MACROD2: variants seen among roughly 807,000 people sequenced by gnomAD.
MACROD2 encodes the protein ADP-ribose glycohydrolase MACROD2.
In MACROD2, 36 loss-of-function variants were observed where a neutral mutation model predicts 70.4. That is an observed-to-expected ratio of 0.51 (90% CI 0.39 to 0.68). The LOEUF is 0.68. MACROD2 is among the 30% of genes least tolerant of loss of function. MACROD2 has a pLI of 0.00. For synonymous variants in MACROD2, 172 were observed against 178.8 expected (o/e 0.96, Z 0.30); for missense variants, 496 against 538.4 (o/e 0.92, Z 0.78).
intron 2 of MACROD2, among the ~76,000 whole-genome samples, chr20:14,047,195 CTA>C (rs1294414528): frequency 6.6e-6 from 1 of 152,026 alleles, no homozygotes; most frequent in Non-Finnish European, 1.5e-5. Context: ...GCCTGTAATC[CTA>C]GCACTTTGGG....
intron 10 of MACROD2, among the ~76,000 whole-genome samples, chr20:15,894,605 A>G (rs60719255): frequency 1.3e-3 from 193 of 151,508 alleles, no homozygotes; most frequent in African/African-American, 4.5e-3. Flanking sequence ...ACAGAAACAG[A>G]TGTGACCCCT....
chr20:16,028,352 A>G (rs1400422372), intron 15 of MACROD2, among the ~76,000 whole-genome samples: 3 of 150,180 alleles, frequency 2.0e-5, no homozygotes, highest in Non-Finnish European at 4.4e-5. Flanking sequence ...TTTGTATCCC[A>G]GAACATAATA....
intron 5 of MACROD2, among the ~76,000 whole-genome samples, chr20:14,729,534 G>C (rs35374246): frequency 6.6e-6 from 1 of 152,104 alleles, no homozygotes; most frequent in African/African-American, 2.4e-5. Context: ...ACGTCTCTGT[G>C]GGGGTAAGAA....
At chr20:14,254,335 T>C (rs988808774) in intron 3 of MACROD2, among the ~76,000 whole-genome samples, 1 of 152,072 alleles carries the variant, frequency 6.6e-6, no homozygotes, top group African/African-American at 2.4e-5. Flanking sequence ...GCTAAGAATA[T>C]ACACTTGAAT....
chr20:15,561,593 C>T (rs16995985), intron 8 of MACROD2, among the ~76,000 whole-genome samples: 1,858 of 152,064 alleles, frequency 0.012, 40 homozygotes, highest in African/African-American at 0.042. Context: ...TTCCTTTATC[C>T]TTCGTGAAAA....
chr20:15,039,501 C>A (rs1188006955), intron 5 of MACROD2, among the ~76,000 whole-genome samples: 1 of 152,148 alleles, frequency 6.6e-6, no homozygotes, highest in African/African-American at 2.4e-5. Context: ...GCTTTTGAAG[C>A]CCTTCCAGTC....
intron 5 of MACROD2, among the ~76,000 whole-genome samples, chr20:14,786,450 TATC>T (rs2072375459): frequency 6.6e-6 from 1 of 151,954 alleles, no homozygotes. Flanking sequence ...AGGACGCAAG[TATC>T]ATTATTTTTC....
At chr20:15,790,543 G>C (rs558872032) in intron 8 of MACROD2, among the ~76,000 whole-genome samples, 1 of 151,944 alleles carries the variant, frequency 6.6e-6, no homozygotes, top group East Asian at 1.9e-4. Flanking sequence ...TATCCAGGAG[G>C]CCGTGTCTAG....
At chr20:15,565,746 G>A (rs956928552) in intron 8 of MACROD2, among the ~76,000 whole-genome samples, 2 of 152,082 alleles carry the variant, frequency 1.3e-5, no homozygotes, top group Non-Finnish European at 2.9e-5. Flanking sequence ...CTCCCACGTG[G>A]CTAATTTTTT....
At chr20:14,823,352 G>C (rs1246845890) in intron 5 of MACROD2, among the ~76,000 whole-genome samples, 1 of 151,912 alleles carries the variant, frequency 6.6e-6, no homozygotes, top group African/African-American at 2.4e-5. Flanking sequence ...AATTTTATCT[G>C]CAAATAACAG....
In MACROD2 at chr20:14,340,600, A is replaced by G. The variant is rs575361246; in HGVS notation, c.272-152879A>G. ...TTCATTGATTTTTTTTTTCTCTTGT[A>G]CTTACACATCTCATGACCTCATGTT... On this transcript the variant is annotated intron_variant, in intron 3 of 17. Coordinates refer to ENST00000684519, the MANE Select transcript of MACROD2 (RefSeq NM_001351661.2). Among the ~76,000 whole-genome samples, 3 of 152,120 alleles carry G rather than the reference A, an allele frequency of 2.0e-5. 1 individual carries two copies. The highest frequency in any genetic ancestry group is 2.0e-4 in the Admixed American group (3 of 15,284).
At chr20:14,916,864 T>G (rs1444585907) in intron 5 of MACROD2, among the ~76,000 whole-genome samples, 1 of 151,994 alleles carries the variant, frequency 6.6e-6, no homozygotes, top group Non-Finnish European at 1.5e-5. Flanking sequence ...CAGCGGAGAA[T>G]GGAAAAAAAT....
intron 3 of MACROD2, among the ~76,000 whole-genome samples, chr20:14,393,665 A>G (rs2083550892): frequency 6.6e-6 from 1 of 152,064 alleles, no homozygotes; most frequent in East Asian, 1.9e-4. Flanking sequence ...AAATTTTGGC[A>G]TGAGTATAAT....
At position 14,049,940 on chromosome 20, in the gene MACROD2, T is replaced by C. The variant is rs142598789; in HGVS notation, c.164-35681T>C. On this transcript the variant is annotated intron_variant, in intron 2 of 17. Coordinates refer to ENST00000684519, the MANE Select transcript of MACROD2 (RefSeq NM_001351661.2). ...CTCTACTAAAAATACAAAAATTAGC[T>C]GGGCGTGGTGGCAGGTCCCTATAAT... Among the ~76,000 whole-genome samples the C allele has an allele frequency of 6.3e-3, 955 of 151,734 alleles. 9 individuals are homozygous for C. Among genetic ancestry groups the C allele is most frequent in the African/African-American group, 0.021 (887 of 41,358 alleles).
At chr20:14,484,589 G>A (rs1177808241) in intron 3 of MACROD2, among the ~76,000 whole-genome samples, 4 of 151,304 alleles carry the variant, frequency 2.6e-5, no homozygotes, top group Non-Finnish European at 5.9e-5. Flanking sequence ...TCCACCCCTC[G>A]AATACCCTTT....
At chr20:15,206,782 T>C (rs2076710896) in intron 5 of MACROD2, among the ~76,000 whole-genome samples, 1 of 133,582 alleles carries the variant, frequency 7.5e-6, no homozygotes, top group African/African-American at 2.8e-5. Flanking sequence ...CAGGCCGGAC[T>C]GCGGACTGCA....
At chr20:15,684,362 C>T (rs2050199672) in intron 8 of MACROD2, among the ~76,000 whole-genome samples, 1 of 152,130 alleles carries the variant, frequency 6.6e-6, no homozygotes, top group South Asian at 2.1e-4. Context: ...GTGCAAAATG[C>T]CATACCTAAA....
chr20:15,958,585 A>G (rs569078310), intron 12 of MACROD2, among the ~76,000 whole-genome samples: 1 of 152,248 alleles, frequency 6.6e-6, no homozygotes, highest in East Asian at 1.9e-4. Flanking sequence ...CAGCAGGTAT[A>G]CTAATTTGAA....
At chr20:15,353,275 G>A (rs1353442409) in intron 6 of MACROD2, among the ~76,000 whole-genome samples, 1 of 152,166 alleles carries the variant, frequency 6.6e-6, no homozygotes, top group East Asian at 1.9e-4. Context: ...TTTAATAAAT[G>A]GTGCTGGCAA....
Sources: gnomAD v4.1 joint callset for allele counts (sites outside exome capture counted in the v4.1 genomes callset) on GRCh38, gnomAD v4.1.1 for gene constraint, MANE v1.5 for transcripts, NCBI Gene and HGNC (gene_info 2026-07-23, HGNC 2026-07-21) for gene names.